Variants in LAPTM4B observed in about 807,000 individuals in gnomAD.
LAPTM4B encodes lysosomal protein transmembrane 4 beta, also known as lysosomal-associated transmembrane protein 4B.
In LAPTM4B, 26 loss-of-function variants were observed where a neutral mutation model predicts 28.5. The ratio of observed to expected loss-of-function variants is 0.91; its 90% CI spans 0.67 to 1.27. The LOEUF (loss-of-function observed/expected upper bound fraction) is 1.27. Among genes scored for constraint, LAPTM4B ranks in the 50% most tolerant of loss-of-function variants. The pLI is 0.00. For missense variants in LAPTM4B, 288 were observed against 285.8 expected (o/e 1.01, Z -0.06); for synonymous variants, 109 against 106.4 (o/e 1.02, Z -0.15).
intron 5 of LAPTM4B, among the ~76,000 whole-genome samples, chr8:97,821,647 G>C (rs1164093626): frequency 6.6e-6 from 1 of 152,182 alleles, no homozygotes; most frequent in East Asian, 1.9e-4. Flanking sequence ...AGGGAGAACA[G>C]GTTCTTCTAA....
At position 97,808,971 on chromosome 8, in the gene LAPTM4B, AG is replaced by A. The variant is rs200886501; in HGVS notation, c.211+3508del. On this transcript the variant is annotated intron_variant, in intron 2 of 6. Coordinates refer to ENST00000521545, the MANE Select transcript of LAPTM4B (RefSeq NM_018407.6). Reference sequence around the variant, plus strand: ...GCAAGACTGCATCTCAGAAAGAAAAAGAAAAAAGAAAGTAATTACAAACTAT... The same window carrying A: ...GCAAGACTGCATCTCAGAAAGAAAAAAAAAAAGAAAGTAATTACAAACTAT... Among the ~76,000 whole-genome samples the A allele has an allele frequency of 3.3e-4, 49 of 150,726 alleles. 1 individual carries two copies. The highest frequency in any genetic ancestry group is 5.3e-4 in the Admixed American group (8 of 15,086).
chr8:97,782,295 T>TTTC (rs1816333887), intron 1 of LAPTM4B, among the ~76,000 whole-genome samples: 1 of 134,304 alleles, frequency 7.4e-6, no homozygotes, highest in Non-Finnish European at 1.6e-5. Flanking sequence ...TTTTTTTTTT[T>TTTC]TTTTTTTTTT....
At chr8:97,848,227 A>G (rs1022528809) in intron 6 of LAPTM4B, among the ~76,000 whole-genome samples, 2 of 152,282 alleles carry the variant, frequency 1.3e-5, no homozygotes, top group South Asian at 2.1e-4. Context: ...GCGCCACTGC[A>G]CTCCAGCCTG....
chr8:97,842,516 G>A (rs889365163), intron 6 of LAPTM4B, among the ~76,000 whole-genome samples: 1 of 151,972 alleles, frequency 6.6e-6, no homozygotes, highest in Non-Finnish European at 1.5e-5. Context: ...TTTTTTTGTT[G>A]TTGTTTTTGT....
At position 97,851,601 on chromosome 8, in the gene LAPTM4B, A is replaced by T. The variant is rs1208463224; in HGVS notation, c.*127A>T. 2 of 709,720 alleles carry T rather than the reference A, an allele frequency of 2.8e-6. No individual in the cohort carries two copies. Among genetic ancestry groups the T allele is most frequent in the African/African-American group, 1.8e-5 (1 of 56,278 alleles). 44.0% of individuals were successfully genotyped at this position (709,720 alleles called of 1,614,324 possible). A position where few individuals can be genotyped will look rare whatever the true frequency, so the allele number is the denominator to read the frequency against. On this transcript the variant is annotated 3_prime_UTR_variant, in exon 7 of 7. Coordinates refer to ENST00000521545, the MANE Select transcript of LAPTM4B (RefSeq NM_018407.6). ...TGTTGCTGAAATGCTACTTTTTAAA[A>T]TTTAGATGTTAGATTGAAAACTGTA...
chr8:97,826,665 C>T (rs1037555664), intron 6 of LAPTM4B, among the ~76,000 whole-genome samples: 6 of 152,028 alleles, frequency 3.9e-5, no homozygotes, highest in African/African-American at 4.8e-5. Context: ...CCCACCACCA[C>T]GCCCGGCTAA....
At chr8:97,801,295 C>T (rs1209380355) in intron 1 of LAPTM4B, among the ~76,000 whole-genome samples, 32 of 151,792 alleles carry the variant, frequency 2.1e-4, no homozygotes. Context: ...GATTCTCCTG[C>T]CTTGGCCTCC....
chr8:97,800,360 G>T (rs951505285), intron 1 of LAPTM4B, among the ~76,000 whole-genome samples: 1 of 152,062 alleles, frequency 6.6e-6, no homozygotes, highest in African/African-American at 2.4e-5. Context: ...ATGTGAAGAG[G>T]TAAGATAACT....
At chr8:97,799,205 G>GA (rs1248033213) in intron 1 of LAPTM4B, among the ~76,000 whole-genome samples, 4 of 152,214 alleles carry the variant, frequency 2.6e-5, no homozygotes, top group Non-Finnish European at 1.5e-5. Flanking sequence ...AATTGGAGAT[G>GA]AAATGCCCTA....
chr8:97,798,296 A>T (rs190265403), intron 1 of LAPTM4B, among the ~76,000 whole-genome samples: 45 of 152,238 alleles, frequency 3.0e-4, no homozygotes, highest in Admixed American at 1.6e-3. Flanking sequence ...ATAGGTCCTC[A>T]TGGCTCCCCA....
intron 1 of LAPTM4B, among the ~76,000 whole-genome samples, chr8:97,787,495 A>G (rs1022541558): frequency 6.6e-6 from 1 of 152,152 alleles, no homozygotes; most frequent in Non-Finnish European, 1.5e-5. Flanking sequence ...CATGTTAGCC[A>G]GGATGGTCTC....
At chr8:97,822,216 TCTCA>T (rs1334305780) in intron 5 of LAPTM4B, among the ~76,000 whole-genome samples, 1 of 151,392 alleles carries the variant, frequency 6.6e-6, no homozygotes, top group African/African-American at 2.5e-5. Flanking sequence ...CAGACTCACA[TCTCA>T]CTCATTGTAG....
intron 4 of LAPTM4B, among the ~76,000 whole-genome samples, chr8:97,818,510 A>G (rs1009393425): frequency 6.6e-6 from 1 of 152,118 alleles, no homozygotes; most frequent in African/African-American, 2.4e-5. Context: ...TCCTCCTGAA[A>G]AGGTTCCCTT....
chr8:97,805,552 T>C, intron 2 of LAPTM4B, 88 bp downstream of exon 2: 2 of 757,400 alleles, frequency 2.6e-6, no homozygotes, highest in Non-Finnish European at 4.7e-6. Context: ...ACTCGTGAGT[T>C]CATTTGAGCT....
intron 1 of LAPTM4B, among the ~76,000 whole-genome samples, chr8:97,792,120 CAA>C (rs1816508310): frequency 6.6e-6 from 1 of 152,238 alleles, no homozygotes; most frequent in South Asian, 2.1e-4. Flanking sequence ...AGTCTATAAC[CAA>C]AGAGACCATC....
Position 97,851,743 on chromosome 8 carries a change from A to C in LAPTM4B, c.*269A>C. The C allele has an allele frequency of 2.1e-6, 1 of 467,926 alleles. No individual in the cohort carries two copies. Among genetic ancestry groups the C allele is most frequent in the Non-Finnish European group, 3.8e-6 (1 of 263,122 alleles). 29.0% of individuals were successfully genotyped at this position (467,926 alleles called of 1,614,324 possible). ...TCCCTAGGCATTGAAACTTCCCCCA[A>C]ATCTGATGGACCTAGAAGTCTGCTT... On this transcript the variant is annotated 3_prime_UTR_variant, in exon 7 of 7. Coordinates refer to ENST00000521545, the MANE Select transcript of LAPTM4B (RefSeq NM_018407.6).
At chr8:97,790,331 T>A (rs1435840197) in intron 1 of LAPTM4B, among the ~76,000 whole-genome samples, 1 of 151,394 alleles carries the variant, frequency 6.6e-6, no homozygotes, top group Non-Finnish European at 1.5e-5. Flanking sequence ...TTTTTTTTTT[T>A]AGACAGAGTC....
chr8:97,847,613 C>T (rs75227454), intron 6 of LAPTM4B, among the ~76,000 whole-genome samples: 23 of 152,286 alleles, frequency 1.5e-4, no homozygotes, highest in Non-Finnish European at 3.4e-4. Flanking sequence ...GTATACTTGA[C>T]TGATCCTTGT....
intron 1 of LAPTM4B, among the ~76,000 whole-genome samples, chr8:97,778,000 A>G (rs1383608814): frequency 1.3e-5 from 2 of 152,248 alleles, no homozygotes; most frequent in Non-Finnish European, 2.9e-5. Flanking sequence ...TCCACAGGAA[A>G]GATAAATCCT....
Sources: allele counts gnomAD v4.1 joint callset (sites outside exome capture counted in the v4.1 genomes callset), GRCh38; gene constraint gnomAD v4.1.1; transcripts MANE v1.5; gene names NCBI Gene and HGNC (gene_info 2026-07-23, HGNC 2026-07-21).